GALNT13: variants seen among roughly 807,000 people sequenced by gnomAD.
GALNT13 encodes the protein polypeptide N-acetylgalactosaminyltransferase 13.
In GALNT13, 28 loss-of-function variants were observed where a neutral mutation model predicts 64.2. That is an observed-to-expected ratio of 0.44 (90% CI 0.32 to 0.60). The LOEUF (loss-of-function observed/expected upper bound fraction) is 0.60, where lower values mean the gene tolerates loss of function less well. GALNT13 is among the 20% of genes least tolerant of loss of function. GALNT13 has a pLI of 0.05. For missense variants in GALNT13, 577 were observed against 669.8 expected, an observed-to-expected ratio of 0.86 and a Z score of 1.53; for synonymous variants, 214 against 224.6, an observed-to-expected ratio of 0.95 and a Z score of 0.42.
At chr2:153,125,234 A>C in the GALNT13 span, among the ~76,000 whole-genome samples, 5 of 152,244 alleles carry the variant, frequency 3.3e-5, no homozygotes, top group Admixed American at 6.5e-5. Context: ...CTGCATTAGC[A>C]GCCAGGTGTC....
At chr2:153,608,978 G>A in the GALNT13 span, among the ~76,000 whole-genome samples, 11 of 149,064 alleles carry the variant, frequency 7.4e-5, no homozygotes, top group South Asian at 1.5e-3. Context: ...GTGCAGTGGC[G>A]AAATCTTGTC....
intron 3 of GALNT13, among the ~76,000 whole-genome samples, chr2:153,959,088 A>G (rs573506453): frequency 1.3e-5 from 2 of 152,384 alleles, no homozygotes; most frequent in South Asian, 4.1e-4. Context: ...CTCTAAGGGC[A>G]GAAAAAGGCA....
At chr2:153,268,493 G>A in the GALNT13 span, among the ~76,000 whole-genome samples, 1 of 152,202 alleles carries the variant, frequency 6.6e-6, no homozygotes, top group Non-Finnish European at 1.5e-5. Flanking sequence ...GGCATTGAGT[G>A]CCTGAGGCCT....
At chr2:154,176,589 G>A (rs1211877586) in intron 4 of GALNT13, among the ~76,000 whole-genome samples, 2 of 151,902 alleles carry the variant, frequency 1.3e-5, no homozygotes, top group African/African-American at 4.8e-5. Flanking sequence ...TTCATTTTAA[G>A]AATTCCTGAT....
chr2:153,829,741 T>C, the GALNT13 span, among the ~76,000 whole-genome samples: 6 of 152,344 alleles, frequency 3.9e-5, no homozygotes, highest in Non-Finnish European at 8.8e-5. Flanking sequence ...GGCATTTAAC[T>C]GATTATTTAA....
the GALNT13 span, among the ~76,000 whole-genome samples, chr2:153,311,117 A>C: frequency 6.6e-6 from 1 of 152,352 alleles, no homozygotes; most frequent in Admixed American, 6.5e-5. Flanking sequence ...ACAGAATACA[A>C]ATTTTAAACA....
intron 3 of GALNT13, among the ~76,000 whole-genome samples, chr2:154,027,724 G>A (rs1377459315): frequency 1.3e-5 from 2 of 152,138 alleles, no homozygotes; most frequent in South Asian, 2.1e-4. Flanking sequence ...AAAATAAATT[G>A]TATAATATCT....
chr2:153,810,320 C>T, the GALNT13 span, among the ~76,000 whole-genome samples: 2 of 152,058 alleles, frequency 1.3e-5, no homozygotes, highest in Non-Finnish European at 2.9e-5. Flanking sequence ...GCCAGAGAAA[C>T]AAATTTTTTC....
chr2:153,276,975 G>T, the GALNT13 span, among the ~76,000 whole-genome samples: 1 of 152,056 alleles, frequency 6.6e-6, no homozygotes, highest in Non-Finnish European at 1.5e-5. Context: ...TTCCAGACAT[G>T]AATGTTCTTG....
the GALNT13 span, among the ~76,000 whole-genome samples, chr2:153,417,347 C>T: frequency 9.9e-5 from 15 of 152,136 alleles, no homozygotes; most frequent in African/African-American, 3.4e-4. Flanking sequence ...GGTTTTCTCT[C>T]TCTCAGAGTG....
intron 8 of GALNT13, among the ~76,000 whole-genome samples, chr2:154,260,172 C>T (rs1690618880): frequency 6.6e-6 from 1 of 152,148 alleles, no homozygotes; most frequent in Non-Finnish European, 1.5e-5. Context: ...AGGCATGAGC[C>T]ACCACACCCA....
At position 154,278,562 on chromosome 2, in the gene GALNT13, C is replaced by G. The variant is rs558571249; in HGVS notation, c.975+19424C>G. Reference sequence around the variant, plus strand: ...AGCAAGGCATTTCCTTAGGTAGCACCTACTTTAGGGGTGGGAGAAAGAAGA... The same window carrying G: ...AGCAAGGCATTTCCTTAGGTAGCACGTACTTTAGGGGTGGGAGAAAGAAGA... On this transcript the variant is annotated intron_variant, in intron 8 of 12. Coordinates refer to ENST00000392825, the MANE Select transcript of GALNT13 (RefSeq NM_052917.4). Among the ~76,000 whole-genome samples the G allele has an allele frequency of 3.5e-4, 54 of 152,190 alleles. 1 individual carries two copies. In the South Asian group the frequency reaches 0.011, roughly 31 times the overall value.
intron 3 of GALNT13, among the ~76,000 whole-genome samples, chr2:154,010,902 T>A (rs1261335663): frequency 6.6e-6 from 1 of 151,664 alleles, no homozygotes; most frequent in African/African-American, 2.4e-5. Context: ...TCTCTGAGGG[T>A]TTTTTTGTGT....
the GALNT13 span, among the ~76,000 whole-genome samples, chr2:153,372,697 ACT>A: frequency 2.9e-4 from 44 of 151,366 alleles, no homozygotes; most frequent in Non-Finnish European, 5.9e-4. Flanking sequence ...GGATTTTAAC[ACT>A]CTCTCTCATG....
the GALNT13 span, among the ~76,000 whole-genome samples, chr2:153,789,395 T>A: frequency 8.5e-5 from 13 of 152,228 alleles, no homozygotes; most frequent in South Asian, 1.0e-3. Context: ...TTGAAGCTTG[T>A]AGAACAAAGA....
the GALNT13 span, among the ~76,000 whole-genome samples, chr2:153,271,247 A>G: frequency 6.6e-6 from 1 of 152,214 alleles, no homozygotes; most frequent in Non-Finnish European, 1.5e-5. Context: ...CCTATTCAGC[A>G]TAATATTGGA....
At chr2:153,913,301 G>A (rs1359758840) in intron 2 of GALNT13, among the ~76,000 whole-genome samples, 1 of 152,144 alleles carries the variant, frequency 6.6e-6, no homozygotes, top group Non-Finnish European at 1.5e-5. Context: ...GTGGGGGGCA[G>A]CATGCATCCA....
At chr2:153,623,859 A>G in the GALNT13 span, among the ~76,000 whole-genome samples, 1 of 152,018 alleles carries the variant, frequency 6.6e-6, no homozygotes, top group African/African-American at 2.4e-5. Flanking sequence ...TATTTGTTTT[A>G]TAAGTGAGGA....
chr2:154,295,929 A>G (rs773590066), intron 8 of GALNT13, among the ~76,000 whole-genome samples: 26 of 152,136 alleles, frequency 1.7e-4, no homozygotes, highest in African/African-American at 5.6e-4. Flanking sequence ...GGCCTTACCC[A>G]GGTGATTATC....
Sources: allele counts gnomAD v4.1 joint callset (sites outside exome capture counted in the v4.1 genomes callset), GRCh38; gene constraint gnomAD v4.1.1; transcripts MANE v1.5; gene names NCBI Gene and HGNC (gene_info 2026-07-23, HGNC 2026-07-21).